The following MYBBP1A variants were observed in gnomAD, a reference collection of about 807,000 sequenced individuals.
MYBBP1A encodes myb-binding protein 1A.
A neutral mutation model predicts 136.3 loss-of-function variants in MYBBP1A; 147 were observed. The observed-to-expected ratio is 1.08, with a 90% CI of 0.94 to 1.24. The LOEUF (loss-of-function observed/expected upper bound fraction) is 1.24, where lower values mean the gene tolerates loss of function less well. Among genes scored for constraint, MYBBP1A ranks in the 50% most tolerant of loss-of-function variants. The pLI, the probability that MYBBP1A is intolerant of heterozygous loss-of-function variation, is 0.00. For synonymous variants in MYBBP1A, 947 were observed against 735.8 expected, an observed-to-expected ratio of 1.29 and a Z score of -4.65; for missense variants, 2,060 against 1,727.4, an observed-to-expected ratio of 1.19 and a Z score of -3.41.
chr17:4,545,500 C>T lies in MYBBP1A; in HGVS notation c.2073+110G>A, dbSNP rs577006024. 25 of 1,497,298 alleles carry T rather than the reference C, an allele frequency of 1.7e-5. No homozygotes were observed. The East Asian group carries it at 6.0e-4, about 36-fold the overall frequency. The allele number at this position is 1,497,298 out of a possible 1,614,324, so 92.8% of individuals were successfully genotyped here. A position where few individuals can be genotyped will look rare whatever the true frequency, so the allele number is the denominator to read the frequency against. ...CAAGGCCTCGTTGAGACCCCTCCCA[C>T]CGGCCGCAGGCTCCCGGCAGGGAGG... On this transcript the variant is annotated intron_variant, in intron 15 of 25. Transcript: ENST00000254718.
chr17:4,540,394 G>A lies in MYBBP1A; in HGVS notation c.3388C>T (p.Arg1130Cys), dbSNP rs138042708. The change falls in exon 25 of 26, where the codon CGC becomes TGC. Residue 1130 changes from arginine to cysteine, a missense_variant. By Grantham distance (180) the Arg-to-Cys change is radical. Transcript: ENST00000254718. ...QQGAHSTGSS[R>C]LHDLYWQAMK... ...GCCTGCCAGTAGAGGTCGTGCAGGCGGCTGGAGCCGGTGGAGTGTGCCCCC... is the reference window on the plus strand; with the variant it reads ...GCCTGCCAGTAGAGGTCGTGCAGGCAGCTGGAGCCGGTGGAGTGTGCCCCC... 5.5e-5 allele frequency: 89 copies of A among 1,610,234 alleles called. No individual in the cohort carries two copies. In the African/African-American group the frequency reaches 6.1e-4, roughly 11 times the overall value.
rs1391105445 is a variant in MYBBP1A at position 4,555,172 on chromosome 17, A to G, written c.153T>C (p.Leu51=). 1 of 1,604,566 alleles carries G rather than the reference A, an allele frequency of 6.2e-7. No individual in the cohort carries two copies. Among genetic ancestry groups the G allele is most frequent in the Non-Finnish European group, 8.5e-7 (1 of 1,175,762 alleles). Residue 51 remains leucine, a synonymous_variant, in exon 1 of 26, where the codon CTT becomes CTC. Coordinates refer to ENST00000254718, the MANE Select transcript of MYBBP1A (RefSeq NM_014520.4). Reference sequence around the variant, plus strand: ...ACTCCAGCAGCTTCTCCGTGGCCGCAAGTCGCGTCTCCTGCTCAGGCTTCG... The same window carrying G: ...ACTCCAGCAGCTTCTCCGTGGCCGCGAGTCGCGTCTCCTGCTCAGGCTTCG... The part of the protein sequence containing the change: ...DIAKPEQETR[L]AATEKLLEYL...
intron 22 of MYBBP1A, 133 bp from the exon 23 acceptor site, chr17:4,542,024 CTG>C (rs988628444): frequency 9.2e-6 from 6 of 653,594 alleles, no homozygotes; most frequent in African/African-American, 7.3e-5. Flanking sequence ...GCTCTGGGCT[CTG>C]TGACTACCTG....
rs1410861703 is a variant in MYBBP1A at position 4,555,278 on chromosome 17, G to A, written c.47C>T (p.Thr16Met). ...PAQPMSPGEA[T>M]QSGARPADRY... ...GTCGGCAGGCCGGGCGCCACTCTGC[G>A]TCGCTTCTCCAGGCGACATCGGCTG... The change falls in exon 1 of 26, where the codon ACG becomes ATG. Residue 16 changes from threonine to methionine, a missense_variant. Transcript: ENST00000254718. 2 of 1,610,726 alleles carry A rather than the reference G, an allele frequency of 1.2e-6. No homozygotes were observed. Among genetic ancestry groups the A allele is most frequent in the Admixed American group, 1.7e-5 (1 of 59,716 alleles).
At chr17:4,549,505 A>C (rs1907316452) in intron 9 of MYBBP1A, 63 bp from the exon 10 acceptor site, 5 of 1,447,802 alleles carry the variant, frequency 3.5e-6, no homozygotes, top group Non-Finnish European at 3.8e-6. Context: ...GGCTGGGCCC[A>C]GTGGCTCACA....
Position 4,548,764 on chromosome 17 carries a change from C to T in MYBBP1A, c.1431-115G>A. ...GCCAGGAGGAGGAGGAGCCGCCCTTCTGCCCTGGGTACAGTCCTCGGGGGC... is the reference window on the plus strand; with the variant it reads ...GCCAGGAGGAGGAGGAGCCGCCCTTTTGCCCTGGGTACAGTCCTCGGGGGC... On this transcript the variant is annotated intron_variant, in intron 10 of 25. Transcript: ENST00000254718. The surrounding 1 kb of genome is among the most constrained non-coding windows in gnomAD (Gnocchi z 4.2). The T allele has an allele frequency of 6.9e-7, 1 of 1,445,690 alleles. No individual in the cohort carries two copies. The highest frequency in any genetic ancestry group is 1.3e-5 in the South Asian group (1 of 77,976). 89.6% of individuals were successfully genotyped at this position (1,445,690 alleles called of 1,614,324 possible).
chr17:4,555,340 C>T lies in MYBBP1A; in HGVS notation c.-16G>A, dbSNP rs117790724. 0.02 allele frequency: 31,624 copies of T among 1,580,184 alleles called. 454 individuals carry two copies. Among genetic ancestry groups the T allele is most frequent in the Admixed American group, 0.067 (3,655 of 54,536 alleles). On this transcript the variant is annotated 5_prime_UTR_variant, in exon 1 of 26. Coordinates refer to ENST00000254718, the MANE Select transcript of MYBBP1A (RefSeq NM_014520.4). ...GGCTCTCCATCTCCGCCACACTCACCGAAACACGAAACACGTGTGCTCCGG... is the reference window on the plus strand; with the variant it reads ...GGCTCTCCATCTCCGCCACACTCACTGAAACACGAAACACGTGTGCTCCGG...
At position 4,539,941 on chromosome 17, in the gene MYBBP1A, G is replaced by A. The variant is rs149778655; in HGVS notation, c.3461C>T (p.Ala1154Val). 1 of 1,599,062 alleles carries A rather than the reference G, an allele frequency of 6.3e-7. No homozygotes were observed. Among genetic ancestry groups the A allele is most frequent in the Non-Finnish European group, 8.5e-7 (1 of 1,179,710 alleles). The change falls in exon 26 of 26, where the codon GCC (alanine) becomes GTC (valine). Residue 1154 changes from alanine to valine, a missense_variant. Transcript: ENST00000254718. ...CTGGGTGGCACTGGGGATCTCCTTG[G>A]CATCCTTCTTCTCCAACTTGGGGCG... is the stretch of plus-strand genomic sequence containing the variant. ...VQRPKLEKKD[A>V]KEIPSATQSP... is the part of the protein sequence containing the mutation.
chr17:4,554,726 C>G lies in MYBBP1A; in HGVS notation c.294+135G>C, dbSNP rs930250830. The G allele has an allele frequency of 1.9e-5, 15 of 808,754 alleles. No homozygotes were observed. The South Asian group carries it at 2.0e-4, about 11-fold the overall frequency. 50.1% of individuals were successfully genotyped at this position (808,754 alleles called of 1,614,324 possible). ...ATGAAGAGGCCTCCCTCAGGTTGGCCTCCAGTCTGCTCTGCCACTCCCGAC... is the reference window on the plus strand; with the variant it reads ...ATGAAGAGGCCTCCCTCAGGTTGGCGTCCAGTCTGCTCTGCCACTCCCGAC... On this transcript the variant is annotated intron_variant, in intron 2 of 25. Coordinates refer to ENST00000254718, the MANE Select transcript of MYBBP1A (RefSeq NM_014520.4).
intron 17 of MYBBP1A, 24 bp from the exon 18 acceptor site, chr17:4,544,945 C>T: frequency 6.3e-7 from 1 of 1,586,092 alleles, no homozygotes. Context: ...GCCCAGCGGT[C>T]AGCCAGGCCT....
rs1250983276 is a variant in MYBBP1A at position 4,539,508 on chromosome 17, T to G, written c.3894A>C (p.Lys1298Asn). ...TGATGACCAAAGACAGCCTTGCCTT[T>G]TTCCGTGCCAGCGCGGACAGTGGTG... ...GKSPLSALAR[K>N]KARLSLVIRS... Residue 1298 changes from lysine (K) to asparagine (N), a missense_variant, in exon 26 of 26, where the codon AAA (lysine) becomes AAC (asparagine). Coordinates refer to ENST00000254718, the MANE Select transcript of MYBBP1A (RefSeq NM_014520.4). 4 of 1,614,180 alleles carry G rather than the reference T, an allele frequency of 2.5e-6. No homozygotes were observed. The highest frequency in any genetic ancestry group is 3.4e-6 in the Non-Finnish European group (4 of 1,180,032).
In MYBBP1A at chr17:4,542,917, G is replaced by A. The variant is rs368155160; in HGVS notation, c.2888C>T (p.Pro963Leu). 63 of 1,613,752 alleles carry A rather than the reference G, an allele frequency of 3.9e-5. No homozygotes were observed. Among genetic ancestry groups the A allele is most frequent in the Middle Eastern group, 1.7e-4 (1 of 6,034 alleles). ...CCTGGGCCAGGCCCTGCTCACCTGC[G>A]GGCCCGTGGGCATGTGGCTGGGGTC... Reference protein sequence around the residue: ...GTDPSHMPTGPQAASCLDLNL... With the variant: ...GTDPSHMPTGLQAASCLDLNL... The change falls in exon 20 of 26, where the codon CCG (proline) becomes CTG (leucine). Residue 963 changes from proline to leucine, a missense_variant. Pro to Leu is a moderately conservative substitution (Grantham distance 98). Transcript: ENST00000254718.
rs926841007 is a variant in MYBBP1A, at chr17:4,548,692, G to A, written c.1431-43C>T. ...GTGGCCATAGCCATTCACTGCCATT[G>A]GTTTTTACAGGCTCCCCTCCTTGGA... On this transcript the variant is annotated intron_variant, in intron 10 of 25. Transcript: ENST00000254718. The surrounding 1 kb of genome is among the most constrained non-coding windows in gnomAD (Gnocchi z 4.2). The A allele has an allele frequency of 1.1e-5, 17 of 1,612,006 alleles. No homozygotes were observed. The highest frequency in any genetic ancestry group is 1.4e-5 in the Non-Finnish European group (17 of 1,179,092).
chr17:4,541,992 G>A, intron 22 of MYBBP1A, 101 bp from the exon 23 acceptor site: 1 of 855,936 alleles, frequency 1.2e-6, no homozygotes, highest in African/African-American at 1.7e-5. Context: ...ACTGCTGTGG[G>A]CAGCGTGTGA....
At chr17:4,546,403 G>C (rs1230080239) in intron 13 of MYBBP1A, among the ~76,000 whole-genome samples, 1 of 152,176 alleles carries the variant, frequency 6.6e-6, no homozygotes, top group Non-Finnish European at 1.5e-5. Context: ...GGGATTGCAG[G>C]TGTGAGCCCC....
Position 4,542,628 on chromosome 17 carries a change from G to A in MYBBP1A, c.3006C>T (p.Phe1002=). The A allele has an allele frequency of 6.2e-7, 1 of 1,614,036 alleles. No homozygotes were observed. Among genetic ancestry groups the A allele is most frequent in the Non-Finnish European group, 8.5e-7 (1 of 1,179,918 alleles). ...PLTVPMFLSL[F]SRHPVLCQSL... ...CCCCAACACTCACCGGGTGCCGGGAGAAGAGGCTGAGGAACATGGGAACTG... is the reference window on the plus strand; with the variant it reads ...CCCCAACACTCACCGGGTGCCGGGAAAAGAGGCTGAGGAACATGGGAACTG... Residue 1002 remains phenylalanine, a synonymous_variant, in exon 21 of 26, where the codon TTC becomes TTT. Transcript: ENST00000254718.
rs367674144 is a variant in MYBBP1A at position 4,555,164 on chromosome 17, G to T, written c.161C>A (p.Thr54Lys). ...KPEQETRLAA[T>K]EKLLEYLRGR... ...ACGCAGATACTCCAGCAGCTTCTCCGTGGCCGCAAGTCGCGTCTCCTGCTC... is the reference window on the plus strand; with the variant it reads ...ACGCAGATACTCCAGCAGCTTCTCCTTGGCCGCAAGTCGCGTCTCCTGCTC... The change falls in exon 1 of 26, where the codon ACG becomes AAG. Residue 54 changes from threonine to lysine, a missense_variant. Physicochemically the swap from Thr to Lys is moderately conservative, Grantham distance 78. Transcript: ENST00000254718. 1.9e-6 allele frequency: 3 copies of T among 1,602,340 alleles called. No individual in the cohort carries two copies. In the African/African-American group the frequency reaches 4.0e-5, roughly 21 times the overall value.
chr17:4,539,978 G>C lies in MYBBP1A; in HGVS notation c.3435-11C>G, dbSNP rs1252817251. The C allele has an allele frequency of 6.9e-6, 11 of 1,596,986 alleles. No individual in the cohort carries two copies. The highest frequency in any genetic ancestry group is 1.7e-5 in the Admixed American group (1 of 59,910). On this transcript the variant is annotated splice_polypyrimidine_tract_variant and intron_variant, in intron 25 of 25. Coordinates refer to ENST00000254718, the MANE Select transcript of MYBBP1A (RefSeq NM_014520.4). ...TCCAACTTGGGGCGCCTGAAGGGAA[G>C]TGAGCAAGGTTAGAAGGTGCCCATC...
In MYBBP1A at chr17:4,545,706, C is replaced by A; in HGVS notation, c.1977G>T (p.Leu659Phe). 6.2e-7 allele frequency: 1 copy of A among 1,610,230 alleles called. No homozygotes were observed. The highest frequency in any genetic ancestry group is 8.5e-7 in the Non-Finnish European group (1 of 1,177,746). Reference protein sequence around the residue: ...EVLVEILLALLAQPSHLMRQV... With the variant: ...EVLVEILLALFAQPSHLMRQV... ...GGCGCATGAGGTGGCTGGGCTGGGC[C>A]AACAGGGCCAGCAAGATCTCCACCA... The change falls in exon 15 of 26, where the codon TTG (leucine) becomes TTT (phenylalanine). Residue 659 changes from leucine (L) to phenylalanine (F), a missense_variant. Leu to Phe is a conservative substitution (Grantham distance 22, BLOSUM62 0). Transcript: ENST00000254718.
Sources: gnomAD v4.1 joint callset for allele counts (sites outside exome capture counted in the v4.1 genomes callset) on GRCh38, gnomAD v4.1.1 for gene constraint, Gnocchi (gnomAD v3.1) non-coding constraint, MANE v1.5 for transcripts, NCBI Gene and HGNC (gene_info 2026-07-23, HGNC 2026-07-21) for gene names.